TENM2: variants seen among roughly 807,000 people sequenced by gnomAD.
The protein encoded by TENM2 is teneurin-2.
In TENM2, 52 loss-of-function variants were observed where a neutral mutation model predicts 245.2. The observed-to-expected ratio is 0.21, with a 90% confidence interval of 0.17 to 0.27. The LOEUF is 0.27. TENM2 is among the 10% of genes least tolerant of loss of function. The probability of loss-of-function intolerance (pLI) is 1.00; values close to 1 mark genes in which losing one functional copy is unlikely to be tolerated. For missense variants in TENM2, 3,046 were observed against 3,666.8 expected, an observed-to-expected ratio of 0.83 and a Z score of 4.37; for synonymous variants, 1,363 against 1,438.9, an observed-to-expected ratio of 0.95 and a Z score of 1.19.
At chr5:167,921,586 G>A (rs1777375484) in intron 3 of TENM2, among the ~76,000 whole-genome samples, 1 of 152,120 alleles carries the variant, frequency 6.6e-6, no homozygotes, top group Admixed American at 6.5e-5. Context: ...ATTAAAGTCA[G>A]CCTCTTAACA....
chr5:167,306,521 G>A (rs1236112110), intron 1 of TENM2: 2 of 152,020 alleles, frequency 1.3e-5, no homozygotes, highest in African/African-American at 2.4e-5. Context: ...AAAATCGTCT[G>A]TTGTCCACAA....
chr5:167,375,494 C>T, intron 2 of TENM2, 21 bp downstream of exon 4: 1 of 1,550,306 alleles, frequency 6.5e-7, no homozygotes, highest in Non-Finnish European at 8.7e-7. Flanking sequence ...TTCTTAAATA[C>T]CTTTTAACGT....
At position 167,691,052 on chromosome 5, in the gene TENM2, C is replaced by G. The variant is rs78255513; in HGVS notation, c.503-184934C>G. Among the ~76,000 whole-genome samples, 1,476 of 151,298 alleles carry G rather than the reference C, an allele frequency of 9.8e-3. 23 individuals are homozygous for G. Among genetic ancestry groups the G allele is most frequent in the African/African-American group, 0.032 (1,330 of 41,176 alleles). On this transcript the variant is annotated intron_variant, in intron 2 of 28. Transcript: ENST00000518659. ...TTAATATAACCAGAAACTTTGAAGA[C>G]AAATTGAAAACAAAGTATTTCTAAT...
At chr5:167,615,892 T>G (rs373109970) in intron 2 of TENM2, among the ~76,000 whole-genome samples, 3 of 152,276 alleles carry the variant, frequency 2.0e-5, no homozygotes, top group African/African-American at 7.2e-5. Flanking sequence ...CCACCTTTTT[T>G]CCTCCTAAGA....
chr5:167,776,491 G>T (rs1045576398), intron 2 of TENM2, among the ~76,000 whole-genome samples: 8 of 149,432 alleles, frequency 5.4e-5, no homozygotes, highest in African/African-American at 1.5e-4. Flanking sequence ...AGCTACTTGG[G>T]GTCTGAAGTG....
At chr5:167,408,390 A>T (rs1445593679) in intron 2 of TENM2, among the ~76,000 whole-genome samples, 1 of 152,090 alleles carries the variant, frequency 6.6e-6, no homozygotes, top group Non-Finnish European at 1.5e-5. Flanking sequence ...AAGAAGCTCT[A>T]GTAGATGACA....
intron 5 of TENM2, among the ~76,000 whole-genome samples, chr5:168,017,381 A>G (rs1785746799): frequency 6.6e-6 from 1 of 152,244 alleles, no homozygotes; most frequent in Non-Finnish European, 1.5e-5. Flanking sequence ...ACATGTAATA[A>G]GACAATGGCT....
At chr5:167,731,204 T>TG (rs1038924157) in intron 2 of TENM2, among the ~76,000 whole-genome samples, 5 of 151,290 alleles carry the variant, frequency 3.3e-5, no homozygotes, top group African/African-American at 2.4e-5. Context: ...CAGACAGTTT[T>TG]TTTTTTTTTT....
chr5:167,088,689 TACTC>T, the TENM2 span, among the ~76,000 whole-genome samples: 204 of 152,154 alleles, frequency 1.3e-3, 1 homozygote, highest in Middle Eastern at 0.014. Flanking sequence ...TTTTAATTAA[TACTC>T]ACAGAAAACT....
At chr5:167,301,398 G>A (rs1755319841) in intron 1 of TENM2, among the ~76,000 whole-genome samples, 1 of 152,200 alleles carries the variant, frequency 6.6e-6, no homozygotes, top group African/African-American at 2.4e-5. Flanking sequence ...GGCCACTGTG[G>A]TTTAGGCATT....
intron 12 of TENM2, among the ~76,000 whole-genome samples, chr5:168,155,154 A>G (rs1757042609): frequency 6.6e-6 from 1 of 152,188 alleles, no homozygotes; most frequent in Non-Finnish European, 1.5e-5. Flanking sequence ...TCGAAGCATC[A>G]GATTAATTTT....
the TENM2 span, among the ~76,000 whole-genome samples, chr5:167,177,156 G>C: frequency 1.3e-5 from 2 of 152,148 alleles, no homozygotes; most frequent in Middle Eastern, 3.2e-3. Context: ...GAGTTAAAGA[G>C]GGCTTTTTTC....
intron 2 of TENM2, among the ~76,000 whole-genome samples, chr5:167,386,319 G>C (rs1761430778): frequency 6.6e-6 from 1 of 152,004 alleles, no homozygotes; most frequent in East Asian, 1.9e-4. Context: ...ATCTTCTTTT[G>C]AAAATAATCT....
At chr5:168,053,581 T>TA (rs1366052936) in intron 6 of TENM2, among the ~76,000 whole-genome samples, 2 of 152,252 alleles carry the variant, frequency 1.3e-5, no homozygotes, top group African/African-American at 4.8e-5. Context: ...AAAATGCAAA[T>TA]AAAAATGATA....
intron 2 of TENM2, among the ~76,000 whole-genome samples, chr5:167,381,221 A>T (rs7737147): frequency 0.53 from 81,167 of 152,024 alleles, 22,745 homozygotes; most frequent in African/African-American, 0.72. Context: ...ATATGTGGCC[A>T]TTATGTATAT....
chr5:167,734,676 T>A (rs946458367), intron 2 of TENM2, among the ~76,000 whole-genome samples: 2 of 152,070 alleles, frequency 1.3e-5, no homozygotes, highest in African/African-American at 4.8e-5. Flanking sequence ...AGTACTGTGG[T>A]CTGCATTAAA....
the TENM2 span, among the ~76,000 whole-genome samples, chr5:167,202,453 C>G: frequency 6.6e-6 from 1 of 152,274 alleles, no homozygotes; most frequent in East Asian, 1.9e-4. Flanking sequence ...ATTTAAATGA[C>G]TAATAATGGT....
At chr5:167,651,073 T>C (rs1450194800) in intron 2 of TENM2, among the ~76,000 whole-genome samples, 1 of 151,976 alleles carries the variant, frequency 6.6e-6, no homozygotes, top group Non-Finnish European at 1.5e-5. Flanking sequence ...TTATAGGAAA[T>C]CATGTCATCC....
intron 3 of TENM2, among the ~76,000 whole-genome samples, chr5:167,933,040 C>T (rs116142095): frequency 4.8e-4 from 73 of 152,132 alleles, no homozygotes; most frequent in African/African-American, 1.7e-3. Flanking sequence ...TTTTATATTC[C>T]ACCTGGGAAA....
Sources: allele counts gnomAD v4.1 joint callset (sites outside exome capture counted in the v4.1 genomes callset), GRCh38; gene constraint gnomAD v4.1.1; transcripts MANE v1.5; gene names NCBI Gene and HGNC (gene_info 2026-07-23, HGNC 2026-07-21).